The following SGCG variants were observed in gnomAD, a reference collection of about 807,000 sequenced individuals.
The protein encoded by SGCG is gamma-sarcoglycan.
A neutral mutation model predicts 29.3 loss-of-function variants in SGCG; 26 were observed. The observed-to-expected ratio is 0.89, with a 90% CI of 0.65 to 1.23. SGCG has a LOEUF of 1.23. Among genes scored for constraint, SGCG ranks in the 50% most tolerant of loss-of-function variants. SGCG has a pLI of 0.00. For synonymous variants in SGCG, 145 were observed against 129.7 expected, an observed-to-expected ratio of 1.12 and a Z score of -0.80; for missense variants, 353 against 356.0, an observed-to-expected ratio of 0.99 and a Z score of 0.07.
At chr13:23,270,207 A>G (rs1015396541) in intron 4 of SGCG, among the ~76,000 whole-genome samples, 1 of 152,160 alleles carries the variant, frequency 6.6e-6, no homozygotes, top group African/African-American at 2.4e-5. Context: ...TCCTCAGGGT[A>G]GATTCCTAGA....
intron 6 of SGCG, among the ~76,000 whole-genome samples, chr13:23,314,029 G>A (rs1461099892): frequency 6.6e-6 from 1 of 152,046 alleles, no homozygotes; most frequent in East Asian, 1.9e-4. Flanking sequence ...ACTTGGACTG[G>A]CTCTCCTTGC....
At chr13:23,313,401 T>C (rs915796125) in intron 6 of SGCG, among the ~76,000 whole-genome samples, 3 of 152,026 alleles carry the variant, frequency 2.0e-5, no homozygotes, top group African/African-American at 4.8e-5. Context: ...CTGACCTCAA[T>C]TGATCCACCT....
intron 5 of SGCG, among the ~76,000 whole-genome samples, chr13:23,285,236 C>T (rs9578573): frequency 0.43 from 65,921 of 152,076 alleles, 15,131 homozygotes; most frequent in Middle Eastern, 0.65. Flanking sequence ...GGTGCTGTCC[C>T]AGGGAGATGG....
chr13:23,262,140 C>G lies in SGCG; in HGVS notation c.385+11423C>G, dbSNP rs367666423. 2.6e-5 allele frequency among the ~76,000 whole-genome samples: 4 copies of G among 151,834 alleles called. No individual in the cohort carries two copies. In the East Asian group the frequency reaches 5.8e-4, roughly 22 times the overall value. ...CTAGGTAACAATCAACATGATAACTCGAACAGTACCTCACATCTCAATATT... is the reference window on the plus strand; with the variant it reads ...CTAGGTAACAATCAACATGATAACTGGAACAGTACCTCACATCTCAATATT... On this transcript the variant is annotated intron_variant, in intron 4 of 7. Transcript: ENST00000218867.
At chr13:23,255,896 A>G (rs1880157986) in intron 4 of SGCG, among the ~76,000 whole-genome samples, 1 of 152,210 alleles carries the variant, frequency 6.6e-6, no homozygotes, top group African/African-American at 2.4e-5. Context: ...AGCAGTGGGC[A>G]GCAGCTTACA....
intron 4 of SGCG, among the ~76,000 whole-genome samples, chr13:23,255,157 T>G (rs992205353): frequency 1.3e-5 from 2 of 152,122 alleles, no homozygotes; most frequent in Admixed American, 6.5e-5. Flanking sequence ...GAAACTTGCA[T>G]CTTGAGCCTG....
chr13:23,201,780 T>C (rs1877778706), intron 1 of SGCG, among the ~76,000 whole-genome samples: 1 of 152,250 alleles, frequency 6.6e-6, no homozygotes, highest in Admixed American at 6.5e-5. Context: ...TAGAAAACTT[T>C]GCTAGTTGTA....
At chr13:23,264,881 T>C (rs1367925481) in intron 4 of SGCG, among the ~76,000 whole-genome samples, 1 of 152,160 alleles carries the variant, frequency 6.6e-6, no homozygotes, top group Non-Finnish European at 1.5e-5. Context: ...CTAGGTCGTG[T>C]AGAAGAATGA....
intron 2 of SGCG, among the ~76,000 whole-genome samples, chr13:23,222,580 C>A (rs1878713589): frequency 6.6e-6 from 1 of 152,092 alleles, no homozygotes; most frequent in South Asian, 2.1e-4. Flanking sequence ...AATTCTAGCA[C>A]TTAGGGAGGC....
At chr13:23,202,299 G>T (rs1282085485) in intron 1 of SGCG, among the ~76,000 whole-genome samples, 1 of 152,194 alleles carries the variant, frequency 6.6e-6, no homozygotes, top group Non-Finnish European at 1.5e-5. Context: ...ATTGACTGCT[G>T]GGTGGGGAAT....
chr13:23,237,768 A>C (rs758661457), intron 3 of SGCG, among the ~76,000 whole-genome samples: 1 of 150,590 alleles, frequency 6.6e-6, no homozygotes, highest in African/African-American at 2.5e-5. Flanking sequence ...GGAACATAAA[A>C]CTTGAAATTT....
Position 23,297,225 on chromosome 13 carries a change from C to CTTT in SGCG, c.578+1740_578+1742dup, listed in dbSNP as rs1326637455. 3.9e-3 allele frequency among the ~76,000 whole-genome samples: 475 copies of CTTT among 120,328 alleles called. 1 individual carries two copies. The highest frequency in any genetic ancestry group is 0.013 in the African/African-American group (446 of 35,198). The allele number at this position is 120,328 out of a possible 152,430, so 78.9% of individuals were successfully genotyped here. ...AACTGAAAAGTCAAACACAGACAAT[C>CTTT]TTTTATTTTTTTTTTTTTTGAGATG... is the stretch of plus-strand genomic sequence containing the variant. On this transcript the variant is annotated intron_variant, in intron 6 of 7. Transcript: ENST00000218867.
intron 1 of SGCG, among the ~76,000 whole-genome samples, chr13:23,200,455 A>G (rs1288206930): frequency 6.6e-6 from 1 of 152,110 alleles, no homozygotes; most frequent in Non-Finnish European, 1.5e-5. Flanking sequence ...AAAACTGGGA[A>G]TTTTTCCTTT....
chr13:23,190,852 G>A (rs1467163162), intron 1 of SGCG, among the ~76,000 whole-genome samples: 1 of 152,062 alleles, frequency 6.6e-6, no homozygotes, highest in Non-Finnish European at 1.5e-5. Context: ...ACGATATTAG[G>A]AAAATGCTAA....
chr13:23,174,418 G>A, the SGCG span, among the ~76,000 whole-genome samples: 6,458 of 152,212 alleles, frequency 0.042, 211 homozygotes, highest in Non-Finnish European at 0.062. Flanking sequence ...GGAAGTGGAG[G>A]TTAGTCACAC....
chr13:23,205,583 G>A (rs1877954711), intron 2 of SGCG, among the ~76,000 whole-genome samples: 2 of 152,140 alleles, frequency 1.3e-5, no homozygotes, highest in Admixed American at 1.3e-4. Context: ...TGACTGTAAA[G>A]TGACAATATG....
chr13:23,182,372 G>A (rs532022846), intron 1 of SGCG, among the ~76,000 whole-genome samples: 1 of 152,104 alleles, frequency 6.6e-6, no homozygotes, highest in Admixed American at 6.5e-5. Flanking sequence ...CCAGTGGGAG[G>A]GGAGAAACTA....
At chr13:23,294,127 C>T (rs568570930) in intron 5 of SGCG, among the ~76,000 whole-genome samples, 3 of 152,120 alleles carry the variant, frequency 2.0e-5, no homozygotes, top group Non-Finnish European at 2.9e-5. Flanking sequence ...TGTGGAACCA[C>T]AAGAGAGAGA....
chr13:23,297,622 T>A (rs940948839), intron 6 of SGCG, among the ~76,000 whole-genome samples: 6 of 152,212 alleles, frequency 3.9e-5, no homozygotes, highest in African/African-American at 1.4e-4. Flanking sequence ...CTGCCCTGGG[T>A]GGGCCAGGTT....
Sources: gnomAD v4.1 joint callset for allele counts (sites outside exome capture counted in the v4.1 genomes callset) on GRCh38, gnomAD v4.1.1 for gene constraint, MANE v1.5 for transcripts, NCBI Gene and HGNC (gene_info 2026-07-23, HGNC 2026-07-21) for gene names.